The following SLC1A2 variants were observed in gnomAD, a reference collection of about 807,000 sequenced individuals.
SLC1A2 encodes the protein solute carrier family 1 member 2, also known as excitatory amino acid transporter 2.
Under a neutral mutation model 48.8 loss-of-function variants are expected in SLC1A2, and 15 were observed. The observed-to-expected ratio is 0.31, with a 90% CI of 0.21 to 0.47. The LOEUF (loss-of-function observed/expected upper bound fraction) is 0.47. Ranked by LOEUF, SLC1A2 falls within the 20% of genes least tolerant of loss-of-function variation. The probability of loss-of-function intolerance (pLI) is 0.99; values close to 1 mark genes in which losing one functional copy is unlikely to be tolerated. For synonymous variants in SLC1A2, 279 were observed against 272.6 expected (o/e 1.02, Z -0.23); for missense variants, 502 against 730.5 (o/e 0.69, Z 3.61).
chr11:35,328,623 C>T (rs1438029134), intron 1 of SLC1A2, among the ~76,000 whole-genome samples: 1 of 152,148 alleles, frequency 6.6e-6, no homozygotes, highest in Non-Finnish European at 1.5e-5. Context: ...TCCCTCCAGC[C>T]CGAGAAAACT....
rs1950377939 is a variant in SLC1A2, at chr11:35,260,590, T to A, written c.*304A>T. The A allele has an allele frequency of 2.8e-6, 1 of 354,650 alleles. No homozygotes were observed. Among genetic ancestry groups the A allele is most frequent in the African/African-American group, 2.1e-5 (1 of 47,608 alleles). 22.0% of individuals were successfully genotyped at this position (354,650 alleles called of 1,614,324 possible). On this transcript the variant is annotated 3_prime_UTR_variant, in exon 11 of 11. Transcript: ENST00000278379. The stretch of plus-strand genomic sequence containing the variant: ...GGAAAAGAGCATCCACATTTCTGCA[T>A]CTTGGGAGAAAAGGGAAGCTGGCAA...
At chr11:35,321,897 C>T (rs886698564) in intron 1 of SLC1A2, among the ~76,000 whole-genome samples, 1 of 152,130 alleles carries the variant, frequency 6.6e-6, no homozygotes, top group African/African-American at 2.4e-5. Context: ...TTTGGGTCCA[C>T]CAAATCCCTC....
intron 1 of SLC1A2, among the ~76,000 whole-genome samples, chr11:35,379,444 T>A (rs1463640465): frequency 6.6e-6 from 1 of 152,198 alleles, no homozygotes; most frequent in Non-Finnish European, 1.5e-5. Context: ...CATAAAATCC[T>A]GGGTAAGCAA....
At chr11:35,396,709 T>C (rs1854971487) in intron 1 of SLC1A2, among the ~76,000 whole-genome samples, 2 of 152,182 alleles carry the variant, frequency 1.3e-5, no homozygotes, top group Admixed American at 1.3e-4. Flanking sequence ...ATTTTTTCTT[T>C]TGTTGCCATT....
chr11:35,348,669 A>G (rs1194162855), intron 1 of SLC1A2, among the ~76,000 whole-genome samples: 1 of 151,970 alleles, frequency 6.6e-6, no homozygotes, highest in African/African-American at 2.4e-5. Flanking sequence ...AGGCGGATAG[A>G]TCACCTGATG....
intron 9 of SLC1A2, among the ~76,000 whole-genome samples, chr11:35,269,135 A>G (rs1850194149): frequency 6.6e-6 from 1 of 152,192 alleles, no homozygotes; most frequent in African/African-American, 2.4e-5. Context: ...GGCCCAATAG[A>G]GACTCCTTGG....
At chr11:35,308,595 AAG>A (rs1404969365) in intron 4 of SLC1A2, among the ~76,000 whole-genome samples, 1 of 152,208 alleles carries the variant, frequency 6.6e-6, no homozygotes, top group Non-Finnish European at 1.5e-5. Context: ...TAGAAAGGCA[AAG>A]AGAGGCACAA....
At chr11:35,322,478 C>A (rs534710767) in intron 1 of SLC1A2, 67 of 788,776 alleles carry the variant, frequency 8.5e-5, no homozygotes, top group Non-Finnish European at 1.2e-4. Context: ...GATGAGGTGG[C>A]AACAGAACAC....
rs766447487 is a variant in SLC1A2 at position 35,259,461 on chromosome 11, C to T, written c.*1433G>A. On this transcript the variant is annotated 3_prime_UTR_variant, in exon 11 of 11. Coordinates refer to ENST00000278379, the MANE Select transcript of SLC1A2 (RefSeq NM_004171.4). ...ATTCAATAAAAAAGGATAGTAGAGA[C>T]ATTAAAAATTTTAGCTTGCATTACC... The T allele has an allele frequency of 3.3e-5, 5 of 152,614 alleles. No individual in the cohort carries two copies. The highest frequency in any genetic ancestry group is 7.3e-5 in the Non-Finnish European group (5 of 68,040). The allele number at this position is 152,614 out of a possible 1,614,324, so 9.5% of individuals were successfully genotyped here.
chr11:35,387,120 C>T (rs1854607933), intron 1 of SLC1A2, among the ~76,000 whole-genome samples: 2 of 152,114 alleles, frequency 1.3e-5, no homozygotes, highest in South Asian at 4.1e-4. Context: ...TCCCCTCACC[C>T]CCATTCTCCT....
intron 9 of SLC1A2, among the ~76,000 whole-genome samples, chr11:35,275,143 C>T (rs1040274394): frequency 6.6e-6 from 1 of 152,166 alleles, no homozygotes; most frequent in Admixed American, 6.5e-5. Flanking sequence ...GCTCTATTCT[C>T]TCCAGAGAGG....
intron 9 of SLC1A2, among the ~76,000 whole-genome samples, chr11:35,270,384 C>G (rs912829691): frequency 6.6e-6 from 1 of 152,158 alleles, no homozygotes; most frequent in Non-Finnish European, 1.5e-5. Context: ...CATACATGAG[C>G]AAGAAAATGT....
intron 5 of SLC1A2, among the ~76,000 whole-genome samples, chr11:35,303,136 G>A (rs1435730678): frequency 6.6e-6 from 1 of 151,728 alleles, no homozygotes; most frequent in Non-Finnish European, 1.5e-5. Context: ...CCCATACTCA[G>A]TAAATTTTAG....
chr11:35,377,551 A>G (rs937141086), intron 1 of SLC1A2, among the ~76,000 whole-genome samples: 7 of 152,210 alleles, frequency 4.6e-5, no homozygotes, highest in Non-Finnish European at 5.9e-5. Context: ...AGCACCAGAG[A>G]GCTAAGTGGC....
intron 9 of SLC1A2, 93 bp downstream of exon 9, chr11:35,280,774 A>C: frequency 6.7e-6 from 5 of 742,014 alleles, no homozygotes; most frequent in Non-Finnish European, 1.1e-5. Context: ...TGCCATGGGG[A>C]TTAGCTAAGA....
intron 4 of SLC1A2, among the ~76,000 whole-genome samples, chr11:35,311,352 G>T (rs1467307697): frequency 2.0e-5 from 3 of 152,092 alleles, no homozygotes; most frequent in African/African-American, 7.2e-5. Context: ...TAGAGATGGG[G>T]TTTCACCATG....
At chr11:35,349,792 CG>C (rs1853176093) in intron 1 of SLC1A2, among the ~76,000 whole-genome samples, 1 of 152,102 alleles carries the variant, frequency 6.6e-6, no homozygotes, top group Admixed American at 6.5e-5. Flanking sequence ...GGGGATTGAG[CG>C]GGGAACACAC....
Position 35,270,451 on chromosome 11 carries a change from A to T in SLC1A2, c.1422-4693T>A, listed in dbSNP as rs145197776. Among the ~76,000 whole-genome samples, 364 of 152,364 alleles carry T rather than the reference A, an allele frequency of 2.4e-3. 2 individuals carry two copies. In the Middle Eastern group the frequency reaches 0.027, roughly 11 times the overall value. ...GAAAGAAGAAAACATCAACTCTAATAGTTTGAGTTCTTTGTTAGTGAATTT... is the reference window on the plus strand; with the variant it reads ...GAAAGAAGAAAACATCAACTCTAATTGTTTGAGTTCTTTGTTAGTGAATTT... On this transcript the variant is annotated intron_variant, in intron 9 of 10. Coordinates refer to ENST00000278379, the MANE Select transcript of SLC1A2 (RefSeq NM_004171.4).
chr11:35,419,956 G>A (rs1283946529), upstream of SLC1A2: 2 of 469,734 alleles, frequency 4.3e-6, no homozygotes, highest in South Asian at 1.6e-5. This position sits in a 1 kb window ranked among gnomAD's most constrained non-coding sequence, Gnocchi z 5.4. Flanking sequence ...CACGTCTGGG[G>A]GTCCCAGGTC....
Sources: allele counts gnomAD v4.1 joint callset (sites outside exome capture counted in the v4.1 genomes callset), GRCh38; gene constraint gnomAD v4.1.1; non-coding constraint Gnocchi (gnomAD v3.1); transcripts MANE v1.5; gene names NCBI Gene and HGNC (gene_info 2026-07-23, HGNC 2026-07-21).